Variants in GALNT13 observed in about 807,000 individuals in gnomAD.
GALNT13 encodes the protein UDP-GalNAc:polypeptide N-acetylgalactosaminyltransferase 13.
In GALNT13, 28 loss-of-function variants were observed where a neutral mutation model predicts 64.2. The observed-to-expected ratio is 0.44, with a 90% CI of 0.32 to 0.60. GALNT13 has a LOEUF of 0.60. Among genes scored for constraint, GALNT13 ranks in the 20% least tolerant of loss-of-function variants. The probability of loss-of-function intolerance (pLI) is 0.05; values close to 1 mark genes in which losing one functional copy is unlikely to be tolerated. For missense variants in GALNT13, 577 were observed against 669.8 expected, an observed-to-expected ratio of 0.86 and a Z score of 1.53; for synonymous variants, 214 against 224.6, an observed-to-expected ratio of 0.95 and a Z score of 0.42.
At chr2:153,393,808 T>C in the GALNT13 span, among the ~76,000 whole-genome samples, 1 of 152,096 alleles carries the variant, frequency 6.6e-6, no homozygotes, top group Non-Finnish European at 1.5e-5. Context: ...AGCAGACTGC[T>C]CTTGTACTCA....
At chr2:154,085,846 T>G (rs67610028) in intron 3 of GALNT13, among the ~76,000 whole-genome samples, 7,692 of 152,072 alleles carry the variant, frequency 0.051, 258 homozygotes, top group South Asian at 0.11. Context: ...GGAAGATGGC[T>G]TAAGGCCAGT....
At chr2:153,841,930 G>A in the GALNT13 span, among the ~76,000 whole-genome samples, 2 of 152,136 alleles carry the variant, frequency 1.3e-5, no homozygotes, top group Non-Finnish European at 2.9e-5. Flanking sequence ...CAGGGTTAGA[G>A]TTCCAGCTTG....
At chr2:154,296,167 C>T (rs1692913011) in intron 8 of GALNT13, among the ~76,000 whole-genome samples, 1 of 152,136 alleles carries the variant, frequency 6.6e-6, no homozygotes. Context: ...GAGGTCTTGT[C>T]CAGATGCTAT....
chr2:153,608,003 C>A, the GALNT13 span, among the ~76,000 whole-genome samples: 1 of 152,060 alleles, frequency 6.6e-6, no homozygotes, highest in South Asian at 2.1e-4. Context: ...AGTAGCCTAC[C>A]ACCAACTTTC....
intron 2 of GALNT13, among the ~76,000 whole-genome samples, chr2:153,929,316 G>C (rs1433026766): frequency 6.6e-6 from 1 of 152,104 alleles, no homozygotes; most frequent in Admixed American, 6.6e-5. Context: ...CAGCCCTACT[G>C]TACAGAAATC....
the GALNT13 span, among the ~76,000 whole-genome samples, chr2:153,857,483 C>T: frequency 6.6e-6 from 1 of 152,030 alleles, no homozygotes; most frequent in Non-Finnish European, 1.5e-5. Flanking sequence ...GCAGGAGAAC[C>T]AAGTAGGCAG....
At chr2:153,201,176 A>G in the GALNT13 span, among the ~76,000 whole-genome samples, 1 of 152,178 alleles carries the variant, frequency 6.6e-6, no homozygotes, top group Non-Finnish European at 1.5e-5. Context: ...TGCAGTGGGA[A>G]TAATATTGTT....
chr2:153,765,333 C>T, the GALNT13 span, among the ~76,000 whole-genome samples: 1 of 152,166 alleles, frequency 6.6e-6, no homozygotes, highest in East Asian at 1.9e-4. Context: ...ACTCTTGCAC[C>T]AGCGTGACCT....
At chr2:153,646,912 C>T in the GALNT13 span, among the ~76,000 whole-genome samples, 63 of 152,090 alleles carry the variant, frequency 4.1e-4, no homozygotes, top group Admixed American at 2.3e-3. Context: ...TGAGTAGTGC[C>T]GCAATAAACA....
chr2:153,649,208 A>C, the GALNT13 span, among the ~76,000 whole-genome samples: 1 of 152,014 alleles, frequency 6.6e-6, no homozygotes, highest in Non-Finnish European at 1.5e-5. Context: ...TGTATGTTTC[A>C]AGGAATTTAT....
At chr2:153,958,488 C>T (rs116042815) in intron 3 of GALNT13, among the ~76,000 whole-genome samples, 145 of 152,250 alleles carry the variant, frequency 9.5e-4, no homozygotes, top group African/African-American at 3.2e-3. Flanking sequence ...TTGTGTCGAA[C>T]GCAAATATTA....
intron 9 of GALNT13, among the ~76,000 whole-genome samples, chr2:154,349,383 A>G (rs982089175): frequency 6.6e-6 from 1 of 152,248 alleles, no homozygotes; most frequent in African/African-American, 2.4e-5. Flanking sequence ...AGCACTTTTT[A>G]AATGAAAGAA....
At chr2:153,414,809 CTGTT>C in the GALNT13 span, among the ~76,000 whole-genome samples, 1 of 152,140 alleles carries the variant, frequency 6.6e-6, no homozygotes, top group Non-Finnish European at 1.5e-5. Flanking sequence ...AATTTTGTCT[CTGTT>C]TGTACCATTG....
At chr2:154,085,727 C>T (rs894144449) in intron 3 of GALNT13, among the ~76,000 whole-genome samples, 1 of 151,870 alleles carries the variant, frequency 6.6e-6, no homozygotes, top group Admixed American at 6.6e-5. Flanking sequence ...CCTCACTGAC[C>T]GATTTTCTTT....
chr2:153,846,748 T>A, the GALNT13 span, among the ~76,000 whole-genome samples: 4 of 152,030 alleles, frequency 2.6e-5, no homozygotes, highest in South Asian at 2.1e-4. Flanking sequence ...AAATCAGGAA[T>A]GATGAAATGA....
chr2:153,205,780 C>T, the GALNT13 span, among the ~76,000 whole-genome samples: 2 of 152,036 alleles, frequency 1.3e-5, no homozygotes, highest in Non-Finnish European at 2.9e-5. Context: ...TGTCTATCAA[C>T]AGAAATTATT....
At chr2:153,354,928 A>G in the GALNT13 span, among the ~76,000 whole-genome samples, 4 of 152,348 alleles carry the variant, frequency 2.6e-5, no homozygotes, top group African/African-American at 7.2e-5. Context: ...ATAAAGGCCA[A>G]TGTTTCAATC....
intron 9 of GALNT13, among the ~76,000 whole-genome samples, chr2:154,384,123 A>C (rs1698401372): frequency 6.6e-6 from 1 of 151,940 alleles, no homozygotes; most frequent in Non-Finnish European, 1.5e-5. Flanking sequence ...AAGAATTTGA[A>C]AAGTACATGG....
At chr2:154,443,114 G>A (rs1295445192) in intron 12 of GALNT13, among the ~76,000 whole-genome samples, 1 of 152,080 alleles carries the variant, frequency 6.6e-6, no homozygotes, top group Non-Finnish European at 1.5e-5. Context: ...CCCCTGTGTA[G>A]CATTCCTAAG....
Sources: allele counts gnomAD v4.1 joint callset (sites outside exome capture counted in the v4.1 genomes callset), GRCh38; gene constraint gnomAD v4.1.1; transcripts MANE v1.5; gene names NCBI Gene and HGNC (gene_info 2026-07-23, HGNC 2026-07-21).